The following PTP4A1 variants were observed in gnomAD, a reference collection of about 807,000 sequenced individuals.
PTP4A1 encodes the protein protein tyrosine phosphatase 4A1.
Under a neutral mutation model 20.5 loss-of-function variants are expected in PTP4A1, and 9 were observed. The observed-to-expected ratio is 0.44, with a 90% CI of 0.26 to 0.77. The LOEUF (loss-of-function observed/expected upper bound fraction) is 0.77. Ranked by LOEUF, PTP4A1 falls within the 30% of genes least tolerant of loss-of-function variation. The pLI is 0.19. For synonymous variants in PTP4A1, 78 were observed against 67.4 expected (o/e 1.16, Z -0.77); for missense variants, 137 against 218.8 (o/e 0.63, Z 2.36).
chr6:63,539,878 A>G (rs1775882587), intron 2 of PTP4A1, among the ~76,000 whole-genome samples: 1 of 152,242 alleles, frequency 6.6e-6, no homozygotes, highest in Admixed American at 6.5e-5. Flanking sequence ...AGGTATACAC[A>G]TTTTTAAAAA....
chr6:63,583,207 T>G lies in PTP4A1; in HGVS notation c.*3033T>G, dbSNP rs1778355025. 1 of 152,216 alleles carries G rather than the reference T, an allele frequency of 6.6e-6. No individual in the cohort carries two copies. The highest frequency in any genetic ancestry group is 2.1e-4 in the South Asian group (1 of 4,834). The allele number at this position is 152,216 out of a possible 1,614,324, so 9.4% of individuals were successfully genotyped here. A position where few individuals can be genotyped will look rare whatever the true frequency, so the allele number is the denominator to read the frequency against. Reference sequence around the variant, plus strand: ...AAGTATAAGTGAATGATATTTTTCTTTTACATGTAAACAATGAAGTTATTT... The same window carrying G: ...AAGTATAAGTGAATGATATTTTTCTGTTACATGTAAACAATGAAGTTATTT... On this transcript the variant is annotated 3_prime_UTR_variant, in exon 6 of 6. Coordinates refer to ENST00000626021, the MANE Select transcript of PTP4A1 (RefSeq NM_003463.5).
chr6:63,529,149 GTA>G (rs1351011372), intron 2 of PTP4A1, among the ~76,000 whole-genome samples: 2 of 108,806 alleles, frequency 1.8e-5, no homozygotes, highest in African/African-American at 9.0e-5. Context: ...ATATATATAT[GTA>G]TATATATGTG....
At chr6:63,559,025 C>T (rs989311289) in intron 3 of PTP4A1, among the ~76,000 whole-genome samples, 2 of 152,206 alleles carry the variant, frequency 1.3e-5, no homozygotes, top group Admixed American at 1.3e-4. Flanking sequence ...GATGGCTTGA[C>T]TGTATGGAGG....
upstream of PTP4A1, chr6:63,572,326 C>G: frequency 4.0e-6 from 1 of 250,240 alleles, no homozygotes; most frequent in Non-Finnish European, 7.6e-6. Flanking sequence ...TCAACCGGTT[C>G]ACACCGGCGG....
chr6:63,568,601 GA>G (rs1023205340), upstream of PTP4A1, among the ~76,000 whole-genome samples: 1 of 151,412 alleles, frequency 6.6e-6, no homozygotes, highest in African/African-American at 2.4e-5. Context: ...CATGCTATTG[GA>G]AAAATGGCTC....
At chr6:63,547,482 G>C (rs1226534979) in intron 2 of PTP4A1, among the ~76,000 whole-genome samples, 1 of 147,428 alleles carries the variant, frequency 6.8e-6, no homozygotes, top group African/African-American at 2.5e-5. Flanking sequence ...CTGCCACCTC[G>C]CCCGGCCAGG....
At chr6:63,529,217 G>GTGTATATATATATATGTAT (rs1775344989) in intron 2 of PTP4A1, among the ~76,000 whole-genome samples, 2 of 146,586 alleles carry the variant, frequency 1.4e-5, no homozygotes, top group African/African-American at 5.0e-5. Context: ...ATATATATTT[G>GTGTATATATATATATGTAT]CTAATAACTT....
intron 2 of PTP4A1, among the ~76,000 whole-genome samples, chr6:63,532,430 A>C (rs1334067311): frequency 2.6e-5 from 4 of 152,172 alleles, no homozygotes; most frequent in Non-Finnish European, 5.9e-5. Flanking sequence ...GGACCTGCTC[A>C]TGGCTGCATA....
chr6:63,533,026 T>C (rs545433974), intron 2 of PTP4A1, among the ~76,000 whole-genome samples: 2 of 152,188 alleles, frequency 1.3e-5, no homozygotes, highest in Non-Finnish European at 2.9e-5. Context: ...GCTACTGACC[T>C]GACAGAGGCA....
chr6:63,555,968 G>A (rs968306048), intron 3 of PTP4A1, among the ~76,000 whole-genome samples: 1 of 152,036 alleles, frequency 6.6e-6, no homozygotes, highest in Middle Eastern at 3.2e-3. Flanking sequence ...TGGGATTATA[G>A]GAGTGAGCCA....
intron 2 of PTP4A1, among the ~76,000 whole-genome samples, chr6:63,537,883 T>C (rs192966538): frequency 1.3e-5 from 2 of 152,016 alleles, no homozygotes; most frequent in African/African-American, 2.4e-5. Context: ...GAGAGAGAAG[T>C]TGGGGAGAAT....
chr6:63,559,460 T>C (rs1373466816), intron 3 of PTP4A1, among the ~76,000 whole-genome samples: 1 of 152,136 alleles, frequency 6.6e-6, no homozygotes, highest in African/African-American at 2.4e-5. Flanking sequence ...AAAAATGAAT[T>C]TCACGGCCAG....
In PTP4A1 at chr6:63,582,378, G is replaced by A. The variant is rs1778292055; in HGVS notation, c.*2204G>A. On this transcript the variant is annotated 3_prime_UTR_variant, in exon 6 of 6. Transcript: ENST00000626021. ...GAAAAGAAATTAATTTGCAGTGTTT[G>A]GATTGTATATATGGTGCTAAAAATA... 1 of 152,382 alleles carries A rather than the reference G, an allele frequency of 6.6e-6. No individual in the cohort carries two copies. The highest frequency in any genetic ancestry group is 1.5e-5 in the Non-Finnish European group (1 of 67,960). 9.4% of individuals were successfully genotyped at this position (152,382 alleles called of 1,614,324 possible).
At chr6:63,549,887 GT>G (rs1261602469) in intron 2 of PTP4A1, among the ~76,000 whole-genome samples, 2 of 152,106 alleles carry the variant, frequency 1.3e-5, no homozygotes, top group Non-Finnish European at 2.9e-5. Context: ...AAATTATAGT[GT>G]TCTGTAGCAT....
At position 63,529,962 on chromosome 6, in the gene PTP4A1, C is replaced by T. The variant is rs114966527; in HGVS notation, c.-640+1878C>T. 5.8e-3 allele frequency among the ~76,000 whole-genome samples: 888 copies of T among 152,206 alleles called. 5 individuals are homozygous for T. Among genetic ancestry groups the T allele is most frequent in the African/African-American group, 0.02 (822 of 41,520 alleles). On this transcript the variant is annotated intron_variant, in intron 2 of 3. Transcript: ENST00000639568. ...CATTACAAATAGTTATGTAATTTGT[C>T]TTTTCACCATTATTTAGGTACCTTT...
intron 2 of PTP4A1, among the ~76,000 whole-genome samples, chr6:63,533,140 G>A (rs987830937): frequency 3.3e-5 from 5 of 152,200 alleles, no homozygotes; most frequent in Admixed American, 2.6e-4. Context: ...CCAGCACTTT[G>A]GGAGGCTGAG....
chr6:63,565,063 T>C (rs1337326217), intron 3 of PTP4A1, among the ~76,000 whole-genome samples: 6 of 152,128 alleles, frequency 3.9e-5, no homozygotes, highest in African/African-American at 2.4e-5. Flanking sequence ...CCAGATGGAG[T>C]GCAGTGGCAT....
upstream of PTP4A1, chr6:63,571,626 A>G (rs999277107): frequency 1.3e-5 from 2 of 152,250 alleles, no homozygotes; most frequent in African/African-American, 4.8e-5. Context: ...CGCTTTCTTT[A>G]AGCACTTCCT....
chr6:63,540,880 A>G (rs1487014686), intron 2 of PTP4A1, among the ~76,000 whole-genome samples: 1 of 150,984 alleles, frequency 6.6e-6, no homozygotes, highest in East Asian at 2.0e-4. Flanking sequence ...GCGGTCACCT[A>G]TAATCCCAAC....
Sources: allele counts gnomAD v4.1 joint callset (sites outside exome capture counted in the v4.1 genomes callset), GRCh38; gene constraint gnomAD v4.1.1; transcripts MANE v1.5; gene names NCBI Gene and HGNC (gene_info 2026-07-23, HGNC 2026-07-21).